The following SOX5 variants were observed in gnomAD, a reference collection of about 807,000 sequenced individuals.
SOX5 encodes the protein transcription factor SOX-5.
Under a neutral mutation model 92.0 loss-of-function variants are expected in SOX5, and 9 were observed. That is an observed-to-expected ratio of 0.10 (90% CI 0.06 to 0.17). The LOEUF (loss-of-function observed/expected upper bound fraction) is 0.17, where lower values mean the gene tolerates loss of function less well. Among genes scored for constraint, SOX5 ranks in the 10% least tolerant of loss-of-function variants. SOX5 has a pLI of 1.00. For missense variants in SOX5, 642 were observed against 944.5 expected (o/e 0.68, Z 4.20); for synonymous variants, 344 against 336.3 (o/e 1.02, Z -0.25).
chr12:23,545,235 T>C (rs527572585), intron 12 of SOX5, among the ~76,000 whole-genome samples: 62 of 152,290 alleles, frequency 4.1e-4, no homozygotes, highest in Admixed American at 6.5e-4. Context: ...TGCATCTCAC[T>C]GGTTTGCCTT....
intron 1 of SOX5, among the ~76,000 whole-genome samples, chr12:24,545,200 G>T (rs1952507622): frequency 6.6e-6 from 1 of 152,086 alleles, no homozygotes; most frequent in African/African-American, 2.4e-5. Flanking sequence ...CCAACAAGCT[G>T]TCCTACCTCC....
intron 3 of SOX5, among the ~76,000 whole-genome samples, chr12:24,274,573 A>C (rs905916070): frequency 6.6e-6 from 1 of 152,148 alleles, no homozygotes; most frequent in Admixed American, 6.5e-5. Context: ...ATTAGGAGAC[A>C]GACCCAAACA....
chr12:23,625,760 C>A (rs2077699784), intron 8 of SOX5, among the ~76,000 whole-genome samples: 1 of 152,182 alleles, frequency 6.6e-6, no homozygotes, highest in African/African-American at 2.4e-5. Flanking sequence ...CAGGCGCCTG[C>A]CACCACGCCG....
chr12:23,652,746 A>G (rs964306410), intron 7 of SOX5, among the ~76,000 whole-genome samples: 1 of 151,890 alleles, frequency 6.6e-6, no homozygotes, highest in Non-Finnish European at 1.5e-5. Flanking sequence ...TTTTCCTTTA[A>G]ACTCCTAGGT....
intron 3 of SOX5, among the ~76,000 whole-genome samples, chr12:23,784,098 AAT>A (rs1264842229): frequency 6.6e-6 from 1 of 152,196 alleles, no homozygotes; most frequent in Non-Finnish European, 1.5e-5. Flanking sequence ...TATTTAATGC[AAT>A]ATTATGATGA....
intron 3 of SOX5, among the ~76,000 whole-genome samples, chr12:23,783,156 A>G (rs1187025547): frequency 6.6e-6 from 1 of 152,130 alleles, no homozygotes; most frequent in Non-Finnish European, 1.5e-5. Context: ...TTTTCTTATA[A>G]TCTGTCTTCA....
rs908689290 is a variant in SOX5 at position 23,738,132 on chromosome 12, T to G, written c.741+2735A>C. Among the ~76,000 whole-genome samples the G allele has an allele frequency of 2.6e-5, 4 of 152,188 alleles. No individual in the cohort carries two copies. In the South Asian group the frequency reaches 8.3e-4, roughly 31 times the overall value. On this transcript the variant is annotated intron_variant, in intron 5 of 14. Transcript: ENST00000451604. The stretch of plus-strand genomic sequence containing the variant: ...TGGTGGTCAATGAATATTTATCTAA[T>G]AGATGAATGTGGAATGGAGCTCAGA...
At chr12:24,074,752 T>G (rs1942311370) in intron 4 of SOX5, among the ~76,000 whole-genome samples, 1 of 152,030 alleles carries the variant, frequency 6.6e-6, no homozygotes, top group African/African-American at 2.4e-5. Context: ...TGAATTCACT[T>G]TCGCCATTTC....
At chr12:24,008,339 C>T (rs1002969823) in intron 4 of SOX5, among the ~76,000 whole-genome samples, 2 of 151,966 alleles carry the variant, frequency 1.3e-5, no homozygotes, top group East Asian at 1.9e-4. Context: ...TTGACAGAAC[C>T]GACTATTATG....
chr12:24,064,661 CT>C (rs1940346528), intron 4 of SOX5, among the ~76,000 whole-genome samples: 1 of 152,102 alleles, frequency 6.6e-6, no homozygotes, highest in African/African-American at 2.4e-5. Context: ...CCTTATGAGA[CT>C]GTGTTCAATA....
intron 2 of SOX5, among the ~76,000 whole-genome samples, chr12:24,351,234 T>TA (rs976862900): frequency 2.0e-5 from 3 of 152,156 alleles, no homozygotes; most frequent in African/African-American, 7.2e-5. Flanking sequence ...AATTAAAATT[T>TA]AAAAAAACTA....
chr12:24,208,961 C>A lies in SOX5; in HGVS notation c.-2+4382G>T, dbSNP rs550172432. 2.0e-5 allele frequency among the ~76,000 whole-genome samples: 3 copies of A among 151,842 alleles called. No homozygotes were observed. The East Asian group carries it at 5.8e-4, about 29-fold the overall frequency. On this transcript the variant is annotated intron_variant, in intron 4 of 4. Transcript: ENST00000446891. ...TTAGCAAGATTTGGCATGACAGAAG[C>A]GGAAGAGTGTAGAGGATTGAGGAGG...
At chr12:23,649,060 A>T (rs950686955) in intron 7 of SOX5, among the ~76,000 whole-genome samples, 3 of 152,160 alleles carry the variant, frequency 2.0e-5, no homozygotes, top group African/African-American at 4.8e-5. Context: ...TCAAGCCAAG[A>T]TTACTTTGGT....
At chr12:23,678,877 C>T (rs2139749835) in intron 6 of SOX5, among the ~76,000 whole-genome samples, 1 of 151,986 alleles carries the variant, frequency 6.6e-6, no homozygotes, top group East Asian at 1.9e-4. Flanking sequence ...ATAAATAAAT[C>T]TTACGTATCA....
chr12:24,117,906 G>C (rs917824975), intron 4 of SOX5, among the ~76,000 whole-genome samples: 5 of 150,452 alleles, frequency 3.3e-5, no homozygotes, highest in African/African-American at 1.2e-4. Flanking sequence ...TGTAATCCCA[G>C]ATACTCGGAG....
chr12:23,943,402 G>A (rs1421356923), intron 1 of SOX5, among the ~76,000 whole-genome samples: 1 of 152,028 alleles, frequency 6.6e-6, no homozygotes, highest in African/African-American at 2.4e-5. Context: ...ACGTCATTTA[G>A]TAATAAACCT....
rs1939335315 is a variant in SOX5, at chr12:23,532,615, C to T, written c.*1604G>A. On this transcript the variant is annotated 3_prime_UTR_variant, in exon 15 of 15. Coordinates refer to ENST00000451604, the MANE Select transcript of SOX5 (RefSeq NM_006940.6). ...GTTGGACTTCAGTGGATTAATCTGA[C>T]AGCAAGGGAAGAGCAGTGGCAAGGA... is the stretch of plus-strand genomic sequence containing the variant. The T allele has an allele frequency of 6.6e-6, 1 of 152,320 alleles. No individual in the cohort carries two copies. The highest frequency in any genetic ancestry group is 1.5e-5 in the Non-Finnish European group (1 of 68,156). 9.4% of individuals were successfully genotyped at this position (152,320 alleles called of 1,614,324 possible). A position where few individuals can be genotyped will look rare whatever the true frequency, so the allele number is the denominator to read the frequency against.
chr12:23,796,471 C>T (rs892376264), intron 3 of SOX5, among the ~76,000 whole-genome samples: 1 of 151,952 alleles, frequency 6.6e-6, no homozygotes, highest in Admixed American at 6.6e-5. Flanking sequence ...ATAGCTAATG[C>T]TTAAAAATCA....
At chr12:24,460,790 A>C (rs1371403338) in intron 1 of SOX5, 1 of 152,172 alleles carries the variant, frequency 6.6e-6, no homozygotes, top group Non-Finnish European at 1.5e-5. Flanking sequence ...TAGTGGTAAA[A>C]AACAAGAAAG....
Sources: gnomAD v4.1 joint callset for allele counts (sites outside exome capture counted in the v4.1 genomes callset) on GRCh38, gnomAD v4.1.1 for gene constraint, MANE v1.5 for transcripts, NCBI Gene and HGNC (gene_info 2026-07-23, HGNC 2026-07-21) for gene names.